SKI: variants seen among roughly 807,000 people sequenced by gnomAD.
The protein encoded by SKI is SKI proto-oncogene, also known as ski oncogene.
Under a neutral mutation model 59.3 loss-of-function variants are expected in SKI, and 23 were observed. That is an observed-to-expected ratio of 0.39 (90% CI 0.28 to 0.55). SKI has a LOEUF of 0.55. SKI is among the 20% of genes least tolerant of loss of function. SKI has a pLI of 0.67. For missense variants in SKI, 1,017 were observed against 1,038.9 expected (o/e 0.98, Z 0.29); for synonymous variants, 673 against 488.6 (o/e 1.38, Z -4.98).
At position 2,270,573 on chromosome 1, in the gene SKI, T is replaced by TG. The variant is rs1438973009; in HGVS notation, c.970-32404dup. Among the ~76,000 whole-genome samples the TG allele has an allele frequency of 1.4e-4, 21 of 152,100 alleles. No individual in the cohort carries two copies. The highest frequency in any genetic ancestry group is 2.6e-4 in the Non-Finnish European group (18 of 67,930). On this transcript the variant is annotated intron_variant, in intron 1 of 6. Coordinates refer to ENST00000378536, the MANE Select transcript of SKI (RefSeq NM_003036.4). This position sits in a 1 kb window ranked among gnomAD's most constrained non-coding sequence, Gnocchi z 4.1. ...TTGAGGGGGCGCTGGGGAAACAAGC[T>TG]GCCGGCTGAGGAGGCCGCACTCCCC...
intron 1 of SKI, among the ~76,000 whole-genome samples, chr1:2,296,587 C>T (rs1640290059): frequency 1.3e-5 from 2 of 152,164 alleles, no homozygotes; most frequent in Non-Finnish European, 2.9e-5. Context: ...TTGTGTTTTC[C>T]TTGCTGACTT....
At position 2,306,994 on chromosome 1, in the gene SKI, G is replaced by A. The variant is rs558841964; in HGVS notation, c.*229G>A. ...CGTCCCCCAACTACAGCTGGAGACGGGGCCAGCTCGGCGGCCTGCTGGTCC... is the reference window on the plus strand; with the variant it reads ...CGTCCCCCAACTACAGCTGGAGACGAGGCCAGCTCGGCGGCCTGCTGGTCC... On this transcript the variant is annotated 3_prime_UTR_variant, in exon 7 of 7. Coordinates refer to ENST00000378536, the MANE Select transcript of SKI (RefSeq NM_003036.4). The A allele has an allele frequency of 1.6e-3, 494 of 312,130 alleles. 2 individuals carry two copies. In the Middle Eastern group the frequency reaches 0.017, roughly 11 times the overall value. The allele number at this position is 312,130 out of a possible 1,614,324, so 19.3% of individuals were successfully genotyped here.
chr1:2,274,616 A>G (rs987678855), intron 1 of SKI, among the ~76,000 whole-genome samples: 2 of 152,122 alleles, frequency 1.3e-5, no homozygotes, highest in Admixed American at 6.5e-5. Context: ...TCCCTCTAAC[A>G]TGTTTCTGGA....
chr1:2,252,401 C>T (rs1309638946), intron 1 of SKI, among the ~76,000 whole-genome samples: 1 of 152,170 alleles, frequency 6.6e-6, no homozygotes, highest in African/African-American at 2.4e-5. Context: ...CAGGGCTGCA[C>T]TCAGCCTCCC....
chr1:2,273,452 G>T (rs1240134575), intron 1 of SKI, among the ~76,000 whole-genome samples: 1 of 152,128 alleles, frequency 6.6e-6, no homozygotes, highest in Admixed American at 6.5e-5. Flanking sequence ...TTGGCATGGG[G>T]AGGGCAGGAC....
At chr1:2,301,076 G>C (rs2100912407) in intron 1 of SKI, among the ~76,000 whole-genome samples, 1 of 152,310 alleles carries the variant, frequency 6.6e-6, no homozygotes, top group South Asian at 2.1e-4. Context: ...TGATAACTGA[G>C]CCGAATTTCC....
intron 1 of SKI, among the ~76,000 whole-genome samples, chr1:2,290,837 T>A (rs1451352203): frequency 3.3e-5 from 5 of 152,228 alleles, no homozygotes. Flanking sequence ...CACTCTTAAT[T>A]GAGTCCGATT....
chr1:2,260,534 TC>T (rs1639362681), intron 1 of SKI, among the ~76,000 whole-genome samples: 1 of 123,464 alleles, frequency 8.1e-6, no homozygotes, highest in Non-Finnish European at 1.6e-5. Context: ...TTGTTCTTTT[TC>T]TTTTTTTTTT....
At position 2,229,708 on chromosome 1, in the gene SKI, C is replaced by T. The variant is rs1245622958; in HGVS notation, c.942C>T (p.Gly314=). 3.2e-6 allele frequency: 5 copies of T among 1,583,500 alleles called. No homozygotes were observed. Among genetic ancestry groups the T allele is most frequent in the Non-Finnish European group, 4.3e-6 (5 of 1,165,660 alleles). The change falls in exon 1 of 7, where the codon GGC becomes GGT. Residue 314 remains glycine (G), a synonymous_variant. Transcript: ENST00000378536. This position sits in a 1 kb window ranked among gnomAD's most constrained non-coding sequence, Gnocchi z 6.3. ...ACGTGAAGGAGAAATTCGACTATGGCAACAAGTACAAGCGGCGGGTGCCCC... is the reference window on the plus strand; with the variant it reads ...ACGTGAAGGAGAAATTCGACTATGGTAACAAGTACAAGCGGCGGGTGCCCC... The part of the protein sequence containing the change: ...LDDVKEKFDY[G]NKYKRRVPRV...
At chr1:2,285,489 T>A (rs1191552765) in intron 1 of SKI, among the ~76,000 whole-genome samples, 1 of 150,624 alleles carries the variant, frequency 6.6e-6, no homozygotes, top group Non-Finnish European at 1.5e-5. Flanking sequence ...CACTCCAGCC[T>A]GGGTGACAAA....
In SKI at chr1:2,272,687, G is replaced by A. The variant is rs138562692; in HGVS notation, c.970-30291G>A. Reference sequence around the variant, plus strand: ...TATTTTAAATGGTGTCCTTAATGTAGAATGTTTTTATCAAAACCAAAACTC... The same window carrying A: ...TATTTTAAATGGTGTCCTTAATGTAAAATGTTTTTATCAAAACCAAAACTC... On this transcript the variant is annotated intron_variant, in intron 1 of 6. Coordinates refer to ENST00000378536, the MANE Select transcript of SKI (RefSeq NM_003036.4). Among the ~76,000 whole-genome samples, 736 of 152,348 alleles carry A rather than the reference G, an allele frequency of 4.8e-3. 5 individuals carry two copies. Among genetic ancestry groups the A allele is most frequent in the African/African-American group, 0.016 (660 of 41,566 alleles).
chr1:2,241,423 T>C (rs1275866600), intron 1 of SKI, among the ~76,000 whole-genome samples: 1 of 152,162 alleles, frequency 6.6e-6, no homozygotes, highest in Admixed American at 6.5e-5. Context: ...GACTGAGTCC[T>C]GCTCTGTCGC....
At chr1:2,284,283 C>T (rs769729837) in intron 1 of SKI, among the ~76,000 whole-genome samples, 27 of 152,272 alleles carry the variant, frequency 1.8e-4, no homozygotes, top group African/African-American at 1.7e-4. Flanking sequence ...CCCATGCTGC[C>T]GAGACGTCCT....
intron 1 of SKI, among the ~76,000 whole-genome samples, chr1:2,285,856 G>A (rs372617771): frequency 6.0e-4 from 85 of 142,540 alleles, no homozygotes; most frequent in African/African-American, 2.1e-3. Context: ...GTGAGCCACC[G>A]CACCAGCCAG....
Position 2,307,058 on chromosome 1 carries a change from A to G in SKI, c.*293A>G, listed in dbSNP as rs1391179080. On this transcript the variant is annotated 3_prime_UTR_variant, in exon 7 of 7. Coordinates refer to ENST00000378536, the MANE Select transcript of SKI (RefSeq NM_003036.4). ...ACATTCTAACATTTACACTTTTGTTATAAGCTATTTAAAACCAGTAAGGAG... is the reference window on the plus strand; with the variant it reads ...ACATTCTAACATTTACACTTTTGTTGTAAGCTATTTAAAACCAGTAAGGAG... 1 of 230,186 alleles carries G rather than the reference A, an allele frequency of 4.3e-6. No homozygotes were observed. The highest frequency in any genetic ancestry group is 8.4e-6 in the Non-Finnish European group (1 of 118,940). 14.3% of individuals were successfully genotyped at this position (230,186 alleles called of 1,614,324 possible).
intron 1 of SKI, among the ~76,000 whole-genome samples, chr1:2,237,110 C>T (rs1448042308): frequency 1.3e-5 from 2 of 152,170 alleles, no homozygotes; most frequent in African/African-American, 4.8e-5. Context: ...CCGACCAGAC[C>T]TGACCCCTGA....
Position 2,248,960 on chromosome 1 carries a change from G to A in SKI, c.969+19225G>A, listed in dbSNP as rs148523305. Among the ~76,000 whole-genome samples the A allele has an allele frequency of 1.3e-4, 20 of 152,354 alleles. No homozygotes were observed. The Middle Eastern group carries it at 0.01, about 78-fold the overall frequency. On this transcript the variant is annotated intron_variant, in intron 1 of 6. Transcript: ENST00000378536. ...GGTCCCACAAGCCATCTCAGGAGCC[G>A]CGTCTGGGCGCTGGCACGGGGACTG...
chr1:2,280,698 C>G lies in SKI; in HGVS notation c.970-22280C>G, dbSNP rs1380580540. ...GCGGCGATCTTCAGAGAGAGGACGC[C>G]CGAGAAGACAGGCGGCGGCGGCGAT... On this transcript the variant is annotated intron_variant, in intron 1 of 6. Transcript: ENST00000378536. 3.8e-4 allele frequency among the ~76,000 whole-genome samples: 13 copies of G among 33,808 alleles called. 1 individual carries two copies. The highest frequency in any genetic ancestry group is 5.5e-4 in the Non-Finnish European group (10 of 18,274). 22.2% of individuals were successfully genotyped at this position (33,808 alleles called of 152,430 possible). A position where few individuals can be genotyped will look rare whatever the true frequency, so the allele number is the denominator to read the frequency against.
chr1:2,264,960 G>A (rs761438428), intron 1 of SKI, among the ~76,000 whole-genome samples: 6 of 151,996 alleles, frequency 3.9e-5, no homozygotes, highest in African/African-American at 4.8e-5. Flanking sequence ...ACAGGCACCC[G>A]CCACCACGCC....
Sources: allele counts gnomAD v4.1 joint callset (sites outside exome capture counted in the v4.1 genomes callset), GRCh38; gene constraint gnomAD v4.1.1; non-coding constraint Gnocchi (gnomAD v3.1); transcripts MANE v1.5; gene names NCBI Gene and HGNC (gene_info 2026-07-23, HGNC 2026-07-21).